Variants in MATCAP2 observed in about 807,000 individuals in gnomAD.
MATCAP2 encodes the protein microtubule associated tyrosine carboxypeptidase 2.
At chr7:36,333,359 A>G in the MATCAP2 span, among the ~76,000 whole-genome samples, 3 of 152,170 alleles carry the variant, frequency 2.0e-5, no homozygotes, top group African/African-American at 7.2e-5. Flanking sequence ...AGAGCTGGAG[A>G]GAGGGGAGGA....
chr7:36,382,937 T>C, the MATCAP2 span, among the ~76,000 whole-genome samples: 1 of 152,236 alleles, frequency 6.6e-6, no homozygotes, highest in Non-Finnish European at 1.5e-5. Context: ...AATATCCTTA[T>C]TAACCACGTG....
At chr7:36,382,676 G>T in the MATCAP2 span, among the ~76,000 whole-genome samples, 18 of 152,184 alleles carry the variant, frequency 1.2e-4, no homozygotes, top group African/African-American at 4.1e-4. Context: ...TGTACTTTTA[G>T]TAGAGACAGG....
At chr7:36,385,441 A>G in the MATCAP2 span, among the ~76,000 whole-genome samples, 3 of 152,180 alleles carry the variant, frequency 2.0e-5, no homozygotes, top group Non-Finnish European at 4.4e-5. Context: ...TGGGAGAGGA[A>G]TAGATAGACC....
chr7:36,369,769 G>A, the MATCAP2 span, among the ~76,000 whole-genome samples: 1 of 151,978 alleles, frequency 6.6e-6, no homozygotes, highest in African/African-American at 2.4e-5. Flanking sequence ...ATACATATAT[G>A]TGTGTATATA....
At chr7:36,357,718 AC>A in the MATCAP2 span, 1 of 690,678 alleles carries the variant, frequency 1.4e-6, no homozygotes, top group Admixed American at 3.0e-5. Flanking sequence ...TTAGAAAAAA[AC>A]ATTTTAAATA....
chr7:36,335,232 G>A, the MATCAP2 span: 1 of 1,540,692 alleles, frequency 6.5e-7, no homozygotes, highest in Non-Finnish European at 8.9e-7. Flanking sequence ...AAAGGTAAGG[G>A]GAGAAGCTTT....
the MATCAP2 span, among the ~76,000 whole-genome samples, chr7:36,385,886 G>A: frequency 1.3e-5 from 2 of 151,816 alleles, no homozygotes; most frequent in African/African-American, 4.8e-5. Flanking sequence ...TAGGCGCAGT[G>A]GCTCATGCCT....
chr7:36,340,469 C>T, the MATCAP2 span, among the ~76,000 whole-genome samples: 1 of 152,124 alleles, frequency 6.6e-6, no homozygotes, highest in Non-Finnish European at 1.5e-5. Context: ...TTTGTTTCAT[C>T]TTGACTTGCA....
chr7:36,371,837 G>A, the MATCAP2 span, among the ~76,000 whole-genome samples: 1 of 151,878 alleles, frequency 6.6e-6, no homozygotes, highest in Non-Finnish European at 1.5e-5. Context: ...CATAACTCCT[G>A]GGCTCAAGCG....
the MATCAP2 span, chr7:36,331,162 A>C: frequency 1.3e-6 from 1 of 770,786 alleles, no homozygotes; most frequent in Non-Finnish European, 2.3e-6. Context: ...TTACTGTAGG[A>C]ATCAGTCCTG....
chr7:36,335,291 C>T, the MATCAP2 span: 1 of 949,304 alleles, frequency 1.1e-6, no homozygotes, highest in African/African-American at 1.7e-5. Context: ...TGTTTATAAC[C>T]ACCTTAAATC....
chr7:36,335,532 G>A, the MATCAP2 span, among the ~76,000 whole-genome samples: 1 of 152,204 alleles, frequency 6.6e-6, no homozygotes, highest in Non-Finnish European at 1.5e-5. Flanking sequence ...CAGCACCAAG[G>A]CTTTGAGACT....
chr7:36,360,446 AGAAGCTTAGCACGAGTCCTTTT>A, the MATCAP2 span, among the ~76,000 whole-genome samples: 1 of 152,198 alleles, frequency 6.6e-6, no homozygotes, highest in Non-Finnish European at 1.5e-5. Flanking sequence ...TTATCTCCTG[AGAAGCTTAGCACGAGTCCTTTT>A]GAAGCTCCAT....
chr7:36,356,552 A>C, the MATCAP2 span: 1 of 405,374 alleles, frequency 2.5e-6, no homozygotes, highest in African/African-American at 2.0e-5. Flanking sequence ...CAATTAGAAA[A>C]CAAAAACGTA....
chr7:36,389,692 G>A, the MATCAP2 span: 4 of 263,606 alleles, frequency 1.5e-5, no homozygotes, highest in Admixed American at 1.1e-4. Context: ...CCACCCCGCG[G>A]CGAGGGCTGG....
the MATCAP2 span, among the ~76,000 whole-genome samples, chr7:36,362,331 T>C: frequency 6.6e-6 from 1 of 152,208 alleles, no homozygotes; most frequent in Non-Finnish European, 1.5e-5. Flanking sequence ...AACTTGACTG[T>C]ACTTTAGGAT....
the MATCAP2 span, chr7:36,357,575 G>T: frequency 6.2e-7 from 1 of 1,605,512 alleles, no homozygotes; most frequent in Non-Finnish European, 8.5e-7. Flanking sequence ...TTCTTGCTCA[G>T]GCCAGTGAAG....
At chr7:36,337,641 TTAC>T in the MATCAP2 span, 1 of 151,956 alleles carries the variant, frequency 6.6e-6, no homozygotes, top group Non-Finnish European at 1.5e-5. Context: ...AACTTGTTTA[TTAC>T]TCTTATTATT....
At chr7:36,377,241 G>A in the MATCAP2 span, among the ~76,000 whole-genome samples, 1 of 152,176 alleles carries the variant, frequency 6.6e-6, no homozygotes, top group Non-Finnish European at 1.5e-5. Flanking sequence ...GCTGGTACTG[G>A]TTGCTCCTTT....
Sources: gnomAD v4.1 joint callset for allele counts (sites outside exome capture counted in the v4.1 genomes callset) on GRCh38, gnomAD v4.1.1 for gene constraint, MANE v1.5 for transcripts, NCBI Gene and HGNC (gene_info 2026-07-23, HGNC 2026-07-21) for gene names.